The following PPM1H variants were observed in gnomAD, a reference collection of about 807,000 sequenced individuals.
The protein encoded by PPM1H is protein phosphatase, Mg2+/Mn2+ dependent 1H, also known as protein phosphatase 1H.
PPM1H carries 27 observed loss-of-function variants against 54.9 expected under a neutral mutation model. The observed-to-expected ratio is 0.49, with a 90% CI of 0.36 to 0.68. The LOEUF is 0.68. Ranked by LOEUF, PPM1H falls within the 30% of genes least tolerant of loss-of-function variation. The probability of loss-of-function intolerance (pLI) is 0.00; values close to 1 mark genes in which losing one functional copy is unlikely to be tolerated. For missense variants in PPM1H, 596 were observed against 667.8 expected, an observed-to-expected ratio of 0.89 and a Z score of 1.19; for synonymous variants, 305 against 270.8, an observed-to-expected ratio of 1.13 and a Z score of -1.24.
chr12:62,882,203 T>C (rs1295155588), intron 1 of PPM1H, among the ~76,000 whole-genome samples: 2 of 152,258 alleles, frequency 1.3e-5, no homozygotes, highest in African/African-American at 4.8e-5. Context: ...CAATAAATGA[T>C]TGCTAAGCAT....
chr12:62,745,396 G>A (rs545195416), intron 4 of PPM1H, among the ~76,000 whole-genome samples: 1 of 152,192 alleles, frequency 6.6e-6, no homozygotes, highest in East Asian at 1.9e-4. Context: ...TTATTTGACT[G>A]TTACAGGAAA....
At chr12:62,800,305 C>T (rs2076759394) in intron 3 of PPM1H, among the ~76,000 whole-genome samples, 2 of 151,496 alleles carry the variant, frequency 1.3e-5, no homozygotes, top group Non-Finnish European at 2.9e-5. Flanking sequence ...AACAGCTTCT[C>T]ATCACTTTGT....
intron 4 of PPM1H, among the ~76,000 whole-genome samples, chr12:62,782,350 T>C (rs575312830): frequency 6.6e-6 from 1 of 152,294 alleles, no homozygotes; most frequent in South Asian, 2.1e-4. Flanking sequence ...GCCACAGATG[T>C]GTAATTGATT....
At chr12:62,875,695 A>G (rs79460612) in intron 1 of PPM1H, among the ~76,000 whole-genome samples, 416 of 152,350 alleles carry the variant, frequency 2.7e-3, no homozygotes, top group African/African-American at 9.5e-3. Context: ...AGGCAGAACG[A>G]AAGTCCAAGA....
intron 8 of PPM1H, among the ~76,000 whole-genome samples, chr12:62,684,617 C>T (rs912697538): frequency 1.1e-4 from 17 of 152,020 alleles, no homozygotes; most frequent in African/African-American, 3.9e-4. Flanking sequence ...CACATTCCAC[C>T]CCCAGCCCCC....
intron 9 of PPM1H, among the ~76,000 whole-genome samples, chr12:62,650,049 G>GT (rs1364797020): frequency 1.3e-5 from 2 of 152,150 alleles, no homozygotes; most frequent in Admixed American, 1.3e-4. Context: ...CTTCAGAGCT[G>GT]TGAGTTATGG....
At chr12:62,754,543 CCAG>C (rs2076459447) in intron 4 of PPM1H, among the ~76,000 whole-genome samples, 2 of 152,042 alleles carry the variant, frequency 1.3e-5, no homozygotes, top group South Asian at 4.1e-4. Context: ...GTACTCTAGC[CCAG>C]GTGAGAGACA....
At chr12:62,932,254 T>C (rs1300275762) in intron 1 of PPM1H, among the ~76,000 whole-genome samples, 2 of 152,110 alleles carry the variant, frequency 1.3e-5, no homozygotes, top group Non-Finnish European at 2.9e-5. Context: ...GATGCGGAAA[T>C]GGAGGCCCAG....
chr12:62,891,044 G>A (rs1870777125), intron 1 of PPM1H, among the ~76,000 whole-genome samples: 1 of 149,196 alleles, frequency 6.7e-6, no homozygotes, highest in Non-Finnish European at 1.5e-5. Flanking sequence ...AGGAGGTGGA[G>A]GTTGCAGTGA....
intron 9 of PPM1H, among the ~76,000 whole-genome samples, chr12:62,659,931 C>T (rs535301925): frequency 6.6e-6 from 1 of 152,306 alleles, no homozygotes; most frequent in South Asian, 2.1e-4. Flanking sequence ...TCAGTTCCCT[C>T]AGGCTTGAAC....
chr12:62,858,062 T>TACCACCACC (rs144385020), intron 1 of PPM1H, among the ~76,000 whole-genome samples: 2,317 of 151,518 alleles, frequency 0.015, 80 homozygotes, highest in African/African-American at 0.053. Flanking sequence ...AATGGACCAT[T>TACCACCACC]ACCACCACCA....
At chr12:62,761,774 C>T (rs945537966) in intron 4 of PPM1H, among the ~76,000 whole-genome samples, 6 of 152,126 alleles carry the variant, frequency 3.9e-5, no homozygotes, top group South Asian at 2.1e-4. Context: ...AAATAGGCTG[C>T]GGTAAGAGTC....
chr12:62,788,425 C>T (rs1206457228), intron 3 of PPM1H, 87 bp from the exon 4 acceptor site: 3 of 803,756 alleles, frequency 3.7e-6, no homozygotes, highest in Non-Finnish European at 6.1e-6. Context: ...AGTCCCCAGA[C>T]TCTGAATGTG....
At chr12:62,850,397 C>T (rs1263437143) in intron 1 of PPM1H, among the ~76,000 whole-genome samples, 2 of 151,788 alleles carry the variant, frequency 1.3e-5, no homozygotes, top group African/African-American at 4.8e-5. Context: ...AATTTTGACT[C>T]CTGAAAATTA....
At chr12:62,768,428 G>C (rs1263206815) in intron 4 of PPM1H, among the ~76,000 whole-genome samples, 1 of 152,150 alleles carries the variant, frequency 6.6e-6, no homozygotes, top group Non-Finnish European at 1.5e-5. Flanking sequence ...GGCCAAGGTG[G>C]GCGGATCATG....
At chr12:62,831,697 TTGTGTGTGTATGTGTGTG>T (rs1238624560) in intron 2 of PPM1H, among the ~76,000 whole-genome samples, 12 of 149,470 alleles carry the variant, frequency 8.0e-5, no homozygotes, top group African/African-American at 3.0e-4. Flanking sequence ...CCGTCAAACA[TTGTGTGTGTATGTGTGTG>T]TGTGTGTGTG....
intron 4 of PPM1H, among the ~76,000 whole-genome samples, chr12:62,787,995 G>A (rs2076682783): frequency 1.3e-5 from 2 of 152,176 alleles, no homozygotes; most frequent in African/African-American, 2.4e-5. Flanking sequence ...GTCAAAAAAC[G>A]TTTGAATACT....
At chr12:62,755,800 C>A (rs762176287) in intron 4 of PPM1H, 94 of 940,056 alleles carry the variant, frequency 1.0e-4, no homozygotes, top group Admixed American at 2.6e-4. Context: ...TGGATGGCCC[C>A]TCTGGGAAAC....
At chr12:62,736,556 A>G (rs1157457122) in intron 5 of PPM1H, among the ~76,000 whole-genome samples, 1 of 152,262 alleles carries the variant, frequency 6.6e-6, no homozygotes, top group Non-Finnish European at 1.5e-5. Flanking sequence ...AATAAAATGA[A>G]TGAAAACACA....
Sources: gnomAD v4.1 joint callset for allele counts (sites outside exome capture counted in the v4.1 genomes callset) on GRCh38, gnomAD v4.1.1 for gene constraint, MANE v1.5 for transcripts, NCBI Gene and HGNC (gene_info 2026-07-23, HGNC 2026-07-21) for gene names.